The following CFAP77 variants were observed in gnomAD, a reference collection of about 807,000 sequenced individuals.
CFAP77 encodes cilia- and flagella-associated protein 77.
A neutral mutation model predicts 31.1 loss-of-function variants in CFAP77; 25 were observed. That is an observed-to-expected ratio of 0.80 (90% confidence interval 0.59 to 1.12). The LOEUF (loss-of-function observed/expected upper bound fraction) is 1.12, where lower values mean the gene tolerates loss of function less well. CFAP77 is among the 50% of genes most tolerant of loss of function. The probability of loss-of-function intolerance (pLI) is 0.00; values close to 1 mark genes in which losing one functional copy is unlikely to be tolerated. For synonymous variants in CFAP77, 151 were observed against 159.9 expected, an observed-to-expected ratio of 0.94 and a Z score of 0.42; for missense variants, 377 against 397.3, an observed-to-expected ratio of 0.95 and a Z score of 0.44.
chr9:132,415,373 G>C (rs185844232), intron 1 of CFAP77, among the ~76,000 whole-genome samples: 6 of 151,614 alleles, frequency 4.0e-5, no homozygotes, highest in South Asian at 2.1e-4. Flanking sequence ...TAACCCCCCC[G>C]CCCAGCTCCG....
chr9:132,571,416 A>C (rs928635647), intron 5 of CFAP77, among the ~76,000 whole-genome samples: 1 of 150,800 alleles, frequency 6.6e-6, no homozygotes, highest in African/African-American at 2.4e-5. Context: ...CTCACTGCGC[A>C]CTCCCCAGCC....
At chr9:132,514,424 AC>A (rs1017157265) in intron 3 of CFAP77, among the ~76,000 whole-genome samples, 1 of 152,152 alleles carries the variant, frequency 6.6e-6, no homozygotes, top group Non-Finnish European at 1.5e-5. Flanking sequence ...GTCTCCTAAC[AC>A]CCAGTCTGTG....
At chr9:132,485,358 G>A (rs1011983261) in intron 1 of CFAP77, among the ~76,000 whole-genome samples, 2 of 152,196 alleles carry the variant, frequency 1.3e-5, no homozygotes, top group Non-Finnish European at 2.9e-5. Context: ...GAGACTCGGA[G>A]GTTAAGCATT....
intron 1 of CFAP77, among the ~76,000 whole-genome samples, chr9:132,437,503 ATTTTTTTTTTT>A (rs763301010): frequency 1.1e-5 from 1 of 90,468 alleles, no homozygotes; most frequent in East Asian, 2.9e-4. Flanking sequence ...CCACTTTTGC[ATTTTTTTTTTT>A]TTTTTTTTTT....
intron 3 of CFAP77, among the ~76,000 whole-genome samples, chr9:132,529,363 C>G (rs1345032348): frequency 6.3e-5 from 6 of 95,024 alleles, no homozygotes; most frequent in Non-Finnish European, 1.2e-4. Flanking sequence ...GTCATGGGGT[C>G]GGGGGAGGGG....
rs186655449 is a variant in CFAP77, at chr9:132,569,300, T to C, written c.733-3088T>C. Among the ~76,000 whole-genome samples, 95 of 152,056 alleles carry C rather than the reference T, an allele frequency of 6.2e-4. 1 individual carries two copies. The East Asian group carries it at 0.017, about 27-fold the overall frequency. On this transcript the variant is annotated intron_variant, in intron 5 of 5. Transcript: ENST00000393216. ...GCGCACAGCTGTAGTCCTAGCTACC[T>C]GGAGGCAAGGCAGGAGGATCCCTTG...
rs1824146524 is a variant in CFAP77, at chr9:132,455,596, TG to T, written c.196-43097del. 6.6e-6 allele frequency among the ~76,000 whole-genome samples: 1 copy of T among 152,054 alleles called. No individual in the cohort carries two copies. The highest frequency in any genetic ancestry group is 6.5e-5 in the Admixed American group (1 of 15,274). ...AATACAAAAAAATAGCTCTGTATGA[TG>T]GTACATGCCTGTGGTCCCAGCTACT... On this transcript the variant is annotated intron_variant, in intron 1 of 5. Transcript: ENST00000393216. The surrounding 1 kb of genome is among the most constrained non-coding windows in gnomAD (Gnocchi z 4.1).
rs562427169 is a variant in CFAP77 at position 132,572,270 on chromosome 9, C to T, written c.733-118C>T. On this transcript the variant is annotated intron_variant, in intron 5 of 5. Coordinates refer to ENST00000393216, the MANE Select transcript of CFAP77 (RefSeq NM_001282957.2). Reference sequence around the variant, plus strand: ...CAGCACTTGCTGTGACTTCCTCCCTCTTACAGCTATTTTTATCATTATTCT... The same window carrying T: ...CAGCACTTGCTGTGACTTCCTCCCTTTTACAGCTATTTTTATCATTATTCT... 5 of 1,313,488 alleles carry T rather than the reference C, an allele frequency of 3.8e-6. No individual in the cohort carries two copies. In the African/African-American group the frequency reaches 7.4e-5, roughly 19 times the overall value. The allele number at this position is 1,313,488 out of a possible 1,614,324, so 81.4% of individuals were successfully genotyped here. A position where few individuals can be genotyped will look rare whatever the true frequency, so the allele number is the denominator to read the frequency against.
In CFAP77 at chr9:132,498,000, T is replaced by C. The variant is rs1851773467; in HGVS notation, c.196-695T>C. On this transcript the variant is annotated intron_variant, in intron 1 of 5. Coordinates refer to ENST00000393216, the MANE Select transcript of CFAP77 (RefSeq NM_001282957.2). The surrounding 1 kb of genome is among the most constrained non-coding windows in gnomAD (Gnocchi z 4.9). ...GCCGGGGATATCGACCCTGCCTCTC[T>C]AGGCCTCAGTTTCTATAGCTATAAA... Among the ~76,000 whole-genome samples the C allele has an allele frequency of 6.6e-6, 1 of 152,104 alleles. No homozygotes were observed. Among genetic ancestry groups the C allele is most frequent in the African/African-American group, 2.4e-5 (1 of 41,430 alleles).
Position 132,498,646 on chromosome 9 carries a change from G to T in CFAP77, c.196-49G>T. The T allele has an allele frequency of 1.5e-6, 2 of 1,377,864 alleles. No individual in the cohort carries two copies. The highest frequency in any genetic ancestry group is 2.0e-6 in the Non-Finnish European group (2 of 979,990). The allele number at this position is 1,377,864 out of a possible 1,614,324, so 85.4% of individuals were successfully genotyped here. A position where few individuals can be genotyped will look rare whatever the true frequency, so the allele number is the denominator to read the frequency against. ...CCTGCTGCCGGATTACAATACATTT[G>T]GTCTGAGACTCCACTCCTCACCTCT... On this transcript the variant is annotated intron_variant, in intron 1 of 5. Coordinates refer to ENST00000393216, the MANE Select transcript of CFAP77 (RefSeq NM_001282957.2). The surrounding 1 kb of genome is among the most constrained non-coding windows in gnomAD (Gnocchi z 4.2).
chr9:132,479,874 C>T (rs1184536363), intron 1 of CFAP77, among the ~76,000 whole-genome samples: 1 of 152,136 alleles, frequency 6.6e-6, no homozygotes, highest in Non-Finnish European at 1.5e-5. Context: ...CAGAGACAGG[C>T]TCAAGGGTGA....
intron 5 of CFAP77, among the ~76,000 whole-genome samples, chr9:132,544,420 TCTCA>T (rs1391061817): frequency 6.6e-6 from 1 of 151,828 alleles, no homozygotes; most frequent in South Asian, 2.1e-4. Context: ...TCTCCTGCTC[TCTCA>T]CTCACTCAGC....
intron 3 of CFAP77, among the ~76,000 whole-genome samples, chr9:132,522,258 C>T (rs1411104646): frequency 1.3e-5 from 2 of 152,156 alleles, no homozygotes; most frequent in African/African-American, 4.8e-5. Context: ...CCTTAACTGC[C>T]CTCTCTTTTG....
At chr9:132,429,139 G>A (rs17149074) in intron 1 of CFAP77, among the ~76,000 whole-genome samples, 8 of 151,336 alleles carry the variant, frequency 5.3e-5, no homozygotes, top group East Asian at 3.9e-4. Flanking sequence ...GTTTTTTCTC[G>A]GACTGCTAGA....
At chr9:132,416,289 A>T (rs1334995070) in intron 1 of CFAP77, among the ~76,000 whole-genome samples, 2 of 148,928 alleles carry the variant, frequency 1.3e-5, no homozygotes, top group Non-Finnish European at 3.0e-5. Context: ...CATATGCTAT[A>T]ACTGTTGATA....
intron 3 of CFAP77, among the ~76,000 whole-genome samples, chr9:132,502,884 CT>C (rs2118973956): frequency 6.6e-6 from 1 of 152,330 alleles, no homozygotes; most frequent in African/African-American, 2.4e-5. Context: ...CGCCACACTG[CT>C]GTCCACAGCA....
chr9:132,447,014 C>T (rs1229339059), intron 1 of CFAP77, among the ~76,000 whole-genome samples: 1 of 152,132 alleles, frequency 6.6e-6, no homozygotes, highest in East Asian at 1.9e-4. Context: ...TTCGGCCTCC[C>T]AGAGTGCTGG....
At chr9:132,504,013 T>C (rs1264258842) in intron 3 of CFAP77, among the ~76,000 whole-genome samples, 1 of 152,192 alleles carries the variant, frequency 6.6e-6, no homozygotes, top group African/African-American at 2.4e-5. Context: ...CACTGCAGTC[T>C]GGGTGACAGA....
intron 1 of CFAP77, among the ~76,000 whole-genome samples, chr9:132,421,913 T>G (rs974120464): frequency 6.6e-6 from 1 of 152,228 alleles, no homozygotes; most frequent in Non-Finnish European, 1.5e-5. Flanking sequence ...CATCCTTCAT[T>G]TGCTCATTTG....
Sources: allele counts gnomAD v4.1 joint callset (sites outside exome capture counted in the v4.1 genomes callset), GRCh38; gene constraint gnomAD v4.1.1; non-coding constraint Gnocchi (gnomAD v3.1); transcripts MANE v1.5; gene names NCBI Gene and HGNC (gene_info 2026-07-23, HGNC 2026-07-21).